Variants in SIPA1L2 observed in about 807,000 individuals in gnomAD.
The protein encoded by SIPA1L2 is signal induced proliferation associated 1 like 2, also known as signal-induced proliferation-associated 1-like protein 2.
SIPA1L2 carries 56 observed loss-of-function variants against 163.9 expected under a neutral mutation model. The observed-to-expected ratio is 0.34, with a 90% confidence interval of 0.28 to 0.43. The LOEUF (loss-of-function observed/expected upper bound fraction) is 0.43. Ranked by LOEUF, SIPA1L2 falls within the 20% of genes least tolerant of loss-of-function variation. The pLI is 1.00. For missense variants in SIPA1L2, 1,974 were observed against 2,193.5 expected (o/e 0.90, Z 2.00); for synonymous variants, 877 against 865.7 (o/e 1.01, Z -0.23).
intron 9 of SIPA1L2, 112 bp from the exon 10 acceptor site, chr1:232,461,273 A>G: frequency 7.4e-7 from 1 of 1,346,796 alleles, no homozygotes; most frequent in East Asian, 2.3e-5. Context: ...GGGCCCTCGC[A>G]GCCCAGCCTG....
intron 2 of SIPA1L2, among the ~76,000 whole-genome samples, chr1:232,546,115 G>C (rs1369170559): frequency 1.3e-5 from 2 of 152,230 alleles, no homozygotes; most frequent in Non-Finnish European, 2.9e-5. Flanking sequence ...TCAGGCTAAA[G>C]AAAGCTAGAG....
At chr1:232,413,460 G>A (rs574536886) in intron 19 of SIPA1L2, among the ~76,000 whole-genome samples, 1 of 152,306 alleles carries the variant, frequency 6.6e-6, no homozygotes, top group African/African-American at 2.4e-5. Flanking sequence ...TTTGAAAGGG[G>A]TGGAAGGGAA....
intron 6 of SIPA1L2, among the ~76,000 whole-genome samples, chr1:232,480,154 CGTGTGTGTGTGTGTGT>C (rs536840154): frequency 1.3e-4 from 17 of 132,740 alleles, no homozygotes; most frequent in Non-Finnish European, 1.1e-4. Flanking sequence ...TGTGTGTGTG[CGTGTGTGTGTGTGTGT>C]GTGTGTGTGT....
chr1:232,555,736 G>GA (rs1402078456), intron 2 of SIPA1L2, among the ~76,000 whole-genome samples: 5 of 152,136 alleles, frequency 3.3e-5, no homozygotes, highest in Non-Finnish European at 5.9e-5. Context: ...CTAAATAAAT[G>GA]AAAGGATGAA....
intron 2 of SIPA1L2, among the ~76,000 whole-genome samples, chr1:232,522,670 A>G (rs1490151991): frequency 1.3e-5 from 2 of 152,192 alleles, no homozygotes; most frequent in Non-Finnish European, 2.9e-5. Flanking sequence ...TGGTAAAGCC[A>G]TCTGTAATCT....
intron 1 of SIPA1L2, among the ~76,000 whole-genome samples, chr1:232,595,326 A>G (rs891054204): frequency 6.6e-6 from 1 of 151,478 alleles, no homozygotes; most frequent in African/African-American, 2.5e-5. Context: ...ACTCTAATAA[A>G]CTGGTTGAAA....
chr1:232,521,361 G>A (rs997061492), intron 2 of SIPA1L2, among the ~76,000 whole-genome samples: 1 of 152,170 alleles, frequency 6.6e-6, no homozygotes, highest in Non-Finnish European at 1.5e-5. Context: ...TTTTTCATTG[G>A]AGTAAAGCAG....
intron 9 of SIPA1L2, 81 bp from the exon 10 acceptor site, chr1:232,461,242 T>G (rs537432824): frequency 2.5e-4 from 390 of 1,539,984 alleles, no homozygotes; most frequent in Non-Finnish European, 3.2e-4. Flanking sequence ...CGTATGGGCC[T>G]CCATGCCAGC....
intron 22 of SIPA1L2, 116 bp from the exon 23 acceptor site, chr1:232,399,389 G>A (rs1660198786): frequency 8.6e-7 from 1 of 1,167,778 alleles, no homozygotes; most frequent in African/African-American, 1.5e-5. Flanking sequence ...TTTGAGGGGA[G>A]AAGGGGTGAC....
At chr1:232,480,154 C>A (rs61823600) in intron 6 of SIPA1L2, among the ~76,000 whole-genome samples, 1 of 132,740 alleles carries the variant, frequency 7.5e-6, no homozygotes, top group Non-Finnish European at 1.6e-5. Context: ...TGTGTGTGTG[C>A]GTGTGTGTGT....
chr1:232,438,665 C>T (rs900647093), intron 15 of SIPA1L2, among the ~76,000 whole-genome samples: 1 of 152,194 alleles, frequency 6.6e-6, no homozygotes, highest in East Asian at 1.9e-4. Flanking sequence ...CTGTCAGGGC[C>T]GTAGGAACAG....
chr1:232,612,168 C>T (rs191243637), intron 1 of SIPA1L2, among the ~76,000 whole-genome samples: 26 of 152,202 alleles, frequency 1.7e-4, no homozygotes, highest in African/African-American at 6.0e-4. Context: ...GCCTAGATTT[C>T]GCAGGATGTA....
chr1:232,488,129 A>G (rs1220603824), intron 5 of SIPA1L2, among the ~76,000 whole-genome samples: 2 of 151,962 alleles, frequency 1.3e-5, no homozygotes, highest in African/African-American at 4.8e-5. Flanking sequence ...ATTTTTGTAT[A>G]CTTAGTAGAG....
chr1:232,627,661 T>C (rs1162301013), intron 1 of SIPA1L2, among the ~76,000 whole-genome samples: 1 of 152,224 alleles, frequency 6.6e-6, no homozygotes, highest in Non-Finnish European at 1.5e-5. Flanking sequence ...TAAAGCTCTT[T>C]GAGAAAATCT....
intron 10 of SIPA1L2, among the ~76,000 whole-genome samples, chr1:232,459,058 A>C (rs570143438): frequency 6.6e-6 from 1 of 152,218 alleles, no homozygotes; most frequent in South Asian, 2.1e-4. Context: ...ACAGAAAGTG[A>C]GGCTGGAGGC....
At chr1:232,548,971 G>A (rs1480479198) in intron 2 of SIPA1L2, among the ~76,000 whole-genome samples, 2 of 152,240 alleles carry the variant, frequency 1.3e-5, no homozygotes, top group Non-Finnish European at 2.9e-5. Context: ...AAAGCCCAAG[G>A]GGCTGGTGTA....
chr1:232,464,811 T>C, intron 9 of SIPA1L2, 29 bp downstream of exon 9: 1 of 1,523,190 alleles, frequency 6.6e-7, no homozygotes, highest in South Asian at 1.3e-5. Context: ...AACATAAGGA[T>C]GGCGGGAAAA....
intron 12 of SIPA1L2, among the ~76,000 whole-genome samples, chr1:232,443,400 C>T (rs1003059008): frequency 2.6e-5 from 4 of 152,204 alleles, no homozygotes; most frequent in Admixed American, 2.0e-4. Context: ...AAAAAACAGG[C>T]TGAGAACATC....
chr1:232,596,894 C>G (rs1167542592), intron 1 of SIPA1L2, among the ~76,000 whole-genome samples: 1 of 152,180 alleles, frequency 6.6e-6, no homozygotes, highest in Non-Finnish European at 1.5e-5. Flanking sequence ...TCCTCCTGCT[C>G]AAGGACCAGG....
Sources: gnomAD v4.1 joint callset for allele counts (sites outside exome capture counted in the v4.1 genomes callset) on GRCh38, gnomAD v4.1.1 for gene constraint, MANE v1.5 for transcripts, NCBI Gene and HGNC (gene_info 2026-07-23, HGNC 2026-07-21) for gene names.